Variants in SUMF1 observed in about 807,000 individuals in gnomAD.
SUMF1 encodes formylglycine-generating enzyme.
Under a neutral mutation model 47.6 loss-of-function variants are expected in SUMF1, and 48 were observed. That is an observed-to-expected ratio of 1.01 (90% CI 0.80 to 1.28). The LOEUF is 1.28. Among genes scored for constraint, SUMF1 ranks in the 50% most tolerant of loss-of-function variants. The pLI is 0.00. For synonymous variants in SUMF1, 230 were observed against 192.1 expected (o/e 1.20, Z -1.63); for missense variants, 571 against 485.4 (o/e 1.18, Z -1.66).
chr3:4,198,062 T>A (rs1695467635), intron 8 of SUMF1, among the ~76,000 whole-genome samples: 1 of 150,972 alleles, frequency 6.6e-6, no homozygotes, highest in Admixed American at 6.6e-5. Flanking sequence ...GAGAGATTCT[T>A]ATTGGTCAAA....
intron 8 of SUMF1, among the ~76,000 whole-genome samples, chr3:4,294,431 G>A (rs925748458): frequency 8.5e-5 from 13 of 152,114 alleles, no homozygotes; most frequent in Admixed American, 3.9e-4. Flanking sequence ...AGGCATCATA[G>A]TGTGTGCCTG....
chr3:4,195,358 C>T (rs1458472792), intron 8 of SUMF1, among the ~76,000 whole-genome samples: 1 of 151,980 alleles, frequency 6.6e-6, no homozygotes, highest in Admixed American at 6.6e-5. Flanking sequence ...AAGGGAAGAG[C>T]AATAAAATCA....
At chr3:4,074,663 A>G (rs938263400) in intron 8 of SUMF1, among the ~76,000 whole-genome samples, 2 of 152,126 alleles carry the variant, frequency 1.3e-5, no homozygotes. Context: ...GGATATTACC[A>G]CCGATCCCAT....
At chr3:4,350,169 T>G (rs1699463302) in intron 8 of SUMF1, among the ~76,000 whole-genome samples, 1 of 151,726 alleles carries the variant, frequency 6.6e-6, no homozygotes, top group African/African-American at 2.4e-5. Context: ...CCAGGCTAAT[T>G]TTTGTATTTT....
intron 9 of SUMF1, among the ~76,000 whole-genome samples, chr3:4,034,509 C>T (rs926289338): frequency 7.2e-5 from 11 of 152,072 alleles, no homozygotes; most frequent in Non-Finnish European, 1.5e-4. Context: ...ACTTGTGTTG[C>T]CTGAAAGAAA....
intron 8 of SUMF1, among the ~76,000 whole-genome samples, chr3:4,171,662 C>A (rs536326957): frequency 6.6e-6 from 1 of 152,168 alleles, no homozygotes; most frequent in African/African-American, 2.4e-5. Flanking sequence ...TTGCCCTGGC[C>A]CAAAAGGCTT....
At chr3:4,319,146 C>T (rs558488907) in intron 8 of SUMF1, among the ~76,000 whole-genome samples, 202 of 152,318 alleles carry the variant, frequency 1.3e-3, no homozygotes, top group South Asian at 9.3e-3. Flanking sequence ...AGGAACTCTT[C>T]ATTGTTCATT....
rs1162623761 is a variant in SUMF1, at chr3:4,309,517, A to C, written c.1014+66813T>G. 3.9e-5 allele frequency among the ~76,000 whole-genome samples: 6 copies of C among 152,310 alleles called. No homozygotes were observed. The East Asian group carries it at 1.2e-3, about 29-fold the overall frequency. On this transcript the variant is annotated intron_variant and NMD_transcript_variant, in intron 8 of 12. Transcript: ENST00000448413. ...AACATAACACAAACTGGCTCCAACA[A>C]AAAAGGGAAGGAATTGCCTCAAATC...
intron 8 of SUMF1, among the ~76,000 whole-genome samples, chr3:4,249,262 TAC>T (rs1191552734): frequency 4.6e-5 from 7 of 152,298 alleles, no homozygotes; most frequent in African/African-American, 1.7e-4. Flanking sequence ...AAATATAATA[TAC>T]AGACAGTCTT....
intron 8 of SUMF1, among the ~76,000 whole-genome samples, chr3:4,242,887 G>A (rs1419554310): frequency 2.0e-5 from 3 of 152,202 alleles, no homozygotes; most frequent in Admixed American, 6.5e-5. Flanking sequence ...GAATTCGGGT[G>A]TGAATCCATC....
At chr3:4,162,660 A>C (rs1176819209) in intron 8 of SUMF1, among the ~76,000 whole-genome samples, 3 of 152,158 alleles carry the variant, frequency 2.0e-5, no homozygotes, top group Non-Finnish European at 4.4e-5. Flanking sequence ...TTCTGTCTTC[A>C]TGCCATGCGG....
chr3:4,154,348 T>C lies in SUMF1; in HGVS notation c.1015-85603A>G, dbSNP rs1275581241. 2.6e-5 allele frequency among the ~76,000 whole-genome samples: 4 copies of C among 151,486 alleles called. No individual in the cohort carries two copies. The East Asian group carries it at 5.8e-4, about 22-fold the overall frequency. On this transcript the variant is annotated intron_variant and NMD_transcript_variant, in intron 8 of 12. Coordinates refer to the SUMF1 transcript ENST00000448413. ...AACCCACTAGGAAGCTTTCCACCCA[T>C]CAATGGAATTTCATTCATTTTTCAT...
intron 8 of SUMF1, among the ~76,000 whole-genome samples, chr3:4,164,662 T>G (rs1694658476): frequency 6.6e-6 from 1 of 152,174 alleles, no homozygotes; most frequent in African/African-American, 2.4e-5. Flanking sequence ...CTGCAGCCTT[T>G]CTCTGATTTC....
In SUMF1 at chr3:4,170,268, G is replaced by T. The variant is rs111233609; in HGVS notation, c.1015-101523C>A. On this transcript the variant is annotated intron_variant and NMD_transcript_variant, in intron 8 of 12. Transcript: ENST00000448413. ...TGACTGAACCCTAGAGTGGGAAAAT[G>T]ATCTATATCAATGGTTCTCAAACTT... 3.8e-3 allele frequency among the ~76,000 whole-genome samples: 574 copies of T among 152,282 alleles called. 6 individuals are homozygous for T. The highest frequency in any genetic ancestry group is 0.013 in the African/African-American group (552 of 41,562).
At chr3:4,132,549 C>A (rs528560082) in intron 8 of SUMF1, among the ~76,000 whole-genome samples, 16 of 152,076 alleles carry the variant, frequency 1.1e-4, no homozygotes, top group African/African-American at 3.9e-4. Context: ...GGAAGTGGCA[C>A]CACTCACCAT....
intron 8 of SUMF1, among the ~76,000 whole-genome samples, chr3:4,254,785 G>A (rs1461222106): frequency 2.7e-5 from 4 of 149,620 alleles, no homozygotes; most frequent in Non-Finnish European, 4.5e-5. Flanking sequence ...TACTCCTCGA[G>A]AAGAGCAACT....
At chr3:4,188,645 C>T (rs1377268786) in intron 8 of SUMF1, among the ~76,000 whole-genome samples, 1 of 152,116 alleles carries the variant, frequency 6.6e-6, no homozygotes, top group Non-Finnish European at 1.5e-5. Flanking sequence ...AGCTGGGAGA[C>T]AAACTACTCA....
At chr3:4,196,319 C>G (rs770417135) in intron 8 of SUMF1, among the ~76,000 whole-genome samples, 1 of 152,064 alleles carries the variant, frequency 6.6e-6, no homozygotes, top group South Asian at 2.1e-4. Context: ...TATCTCTAAA[C>G]CAAAATCCTA....
At chr3:4,350,636 GATAA>G (rs1164649304) in intron 8 of SUMF1, among the ~76,000 whole-genome samples, 4 of 152,034 alleles carry the variant, frequency 2.6e-5, no homozygotes, top group Non-Finnish European at 4.4e-5. Flanking sequence ...AAAGAAACTT[GATAA>G]ATAGTTAAAA....
Sources: gnomAD v4.1 joint callset for allele counts (sites outside exome capture counted in the v4.1 genomes callset) on GRCh38, gnomAD v4.1.1 for gene constraint, MANE v1.5 for transcripts, NCBI Gene and HGNC (gene_info 2026-07-23, HGNC 2026-07-21) for gene names.